Variants in IL1RAPL2 observed in about 807,000 individuals in gnomAD.
IL1RAPL2 encodes X-linked interleukin-1 receptor accessory protein-like 2.
A neutral mutation model predicts 44.1 loss-of-function variants in IL1RAPL2; 3 were observed. The observed-to-expected ratio is 0.07, with a 90% CI of 0.03 to 0.18. The LOEUF is 0.18. Among genes scored for constraint, IL1RAPL2 ranks in the 10% least tolerant of loss-of-function variants. The probability of loss-of-function intolerance (pLI) is 1.00; values close to 1 mark genes in which losing one functional copy is unlikely to be tolerated. For synonymous variants in IL1RAPL2, 181 were observed against 178.8 expected (o/e 1.01, Z -0.10); for missense variants, 391 against 496.4 (o/e 0.79, Z 2.02).
At chrX:105,239,265 G>T (rs935771521) in intron 4 of IL1RAPL2, among the ~76,000 whole-genome samples, 4 of 111,958 alleles carry the variant, frequency 3.6e-5, no homozygotes, top group Admixed American at 1.9e-4. Flanking sequence ...TTTCACAAGA[G>T]AATTTAAAAT....
chrX:105,147,395 C>T (rs2033189197), intron 2 of IL1RAPL2, among the ~76,000 whole-genome samples: 1 of 110,711 alleles, frequency 9.0e-6, no homozygotes, highest in Non-Finnish European at 1.9e-5. Flanking sequence ...AAGAGGGGTC[C>T]CTGCTTGTCT....
At chrX:105,100,620 C>T (rs954030433) in intron 2 of IL1RAPL2, among the ~76,000 whole-genome samples, 1 of 111,787 alleles carries the variant, frequency 8.9e-6, no homozygotes, top group Non-Finnish European at 1.9e-5. Flanking sequence ...TAATGATGAT[C>T]AAGAACAGGC....
intron 2 of IL1RAPL2, among the ~76,000 whole-genome samples, chrX:104,761,398 C>A (rs566846788): frequency 9.0e-6 from 1 of 110,743 alleles, no homozygotes; most frequent in African/African-American, 3.3e-5. Context: ...GATTTAATTA[C>A]CTCCCCCCAG....
chrX:104,672,952 T>C (rs1390398247), intron 2 of IL1RAPL2, among the ~76,000 whole-genome samples: 4 of 111,868 alleles, frequency 3.6e-5, no homozygotes, highest in Non-Finnish European at 7.5e-5. Flanking sequence ...TTGTTTGTTT[T>C]TTTCTTGTAA....
At chrX:105,328,398 A>C (rs1052415995) in intron 5 of IL1RAPL2, among the ~76,000 whole-genome samples, 1 of 111,994 alleles carries the variant, frequency 8.9e-6, no homozygotes, top group African/African-American at 3.2e-5. Flanking sequence ...CTTAATTCTC[A>C]TGGCTCTAAC....
chrX:104,949,301 T>A (rs1017124829), intron 2 of IL1RAPL2, among the ~76,000 whole-genome samples: 11 of 111,612 alleles, frequency 9.9e-5, no homozygotes, highest in African/African-American at 2.9e-4. Flanking sequence ...TCTTTGATTC[T>A]TCTCTCTCTT....
At chrX:104,673,350 A>G (rs1174249912) in intron 2 of IL1RAPL2, among the ~76,000 whole-genome samples, 2 of 111,518 alleles carry the variant, frequency 1.8e-5, no homozygotes. Context: ...TTTATTAAAT[A>G]GGGAATCCTT....
chrX:104,925,324 C>T (rs1924750301), intron 2 of IL1RAPL2, among the ~76,000 whole-genome samples: 1 of 108,781 alleles, frequency 9.2e-6, no homozygotes, highest in African/African-American at 3.3e-5. Flanking sequence ...CCAAAAAAAT[C>T]GAGGAGGGAA....
chrX:104,627,933 A>G lies in IL1RAPL2; in HGVS notation c.-19-30962A>G, dbSNP rs1929548816. Among the ~76,000 whole-genome samples, 3 of 111,931 alleles carry G rather than the reference A, an allele frequency of 2.7e-5. No homozygotes were observed. In the Admixed American group the frequency reaches 2.9e-4, roughly 11 times the overall value. ...TATCATTGAAAAGAAAAAAAAATCTATCAACTGATCTATTATGATGTTAAA... is the reference window on the plus strand; with the variant it reads ...TATCATTGAAAAGAAAAAAAAATCTGTCAACTGATCTATTATGATGTTAAA... On this transcript the variant is annotated intron_variant, in intron 1 of 10. Transcript: ENST00000372582.
At chrX:104,835,682 C>CT (rs1921724687) in intron 2 of IL1RAPL2, among the ~76,000 whole-genome samples, 1 of 112,164 alleles carries the variant, frequency 8.9e-6, no homozygotes, top group Non-Finnish European at 1.9e-5. Context: ...GCCACTAATA[C>CT]TGGCACCACT....
At chrX:105,717,796 G>A (rs2038269813) in intron 7 of IL1RAPL2, among the ~76,000 whole-genome samples, 1 of 112,173 alleles carries the variant, frequency 8.9e-6, no homozygotes. Flanking sequence ...GTCTTTGAAG[G>A]TGACTCCTCA....
chrX:105,152,589 CTT>C (rs1157090988), intron 2 of IL1RAPL2, among the ~76,000 whole-genome samples: 2 of 112,120 alleles, frequency 1.8e-5, no homozygotes, highest in African/African-American at 3.2e-5. Context: ...AGTCAGAAAA[CTT>C]TCAAATTCCT....
intron 2 of IL1RAPL2, among the ~76,000 whole-genome samples, chrX:105,075,423 G>A (rs1316231771): frequency 9.0e-6 from 1 of 111,338 alleles, no homozygotes; most frequent in East Asian, 2.8e-4. Context: ...GCTTTTTGAT[G>A]TGCTGCTGGA....
intron 7 of IL1RAPL2, among the ~76,000 whole-genome samples, chrX:105,725,630 A>C (rs2038343905): frequency 9.0e-6 from 1 of 111,700 alleles, no homozygotes; most frequent in Non-Finnish European, 1.9e-5. Flanking sequence ...GGAGCTGTGA[A>C]TATGTTGTTT....
At chrX:104,601,302 G>A (rs970315399) in intron 1 of IL1RAPL2, among the ~76,000 whole-genome samples, 2 of 99,717 alleles carry the variant, frequency 2.0e-5, no homozygotes, top group African/African-American at 7.5e-5. Context: ...ACAGGCCCCC[G>A]TGTGTGATGT....
intron 2 of IL1RAPL2, among the ~76,000 whole-genome samples, chrX:105,183,400 A>G (rs2033554011): frequency 9.0e-6 from 1 of 111,692 alleles, no homozygotes; most frequent in Admixed American, 9.4e-5. Flanking sequence ...CACAGCAGCC[A>G]TGCTACTTTG....
rs142550584 is a variant in IL1RAPL2 at position 105,419,630 on chromosome X, T to C, written c.698-64683T>C. ...GATGTAAAGAAAAAACTTCTATATT[T>C]ATTACAAACCAAGGGAGCAATGCAA... On this transcript the variant is annotated intron_variant, in intron 5 of 10. Transcript: ENST00000372582. 4.9e-3 allele frequency among the ~76,000 whole-genome samples: 544 copies of C among 112,137 alleles called. 5 individuals carry two copies. Among genetic ancestry groups the C allele is most frequent in the African/African-American group, 0.016 (505 of 30,930 alleles).
At chrX:105,313,063 C>CA (rs1179716467) in intron 5 of IL1RAPL2, among the ~76,000 whole-genome samples, 3 of 111,717 alleles carry the variant, frequency 2.7e-5, no homozygotes, top group African/African-American at 9.7e-5. Context: ...CATTCAAATA[C>CA]ACTGACATTG....
chrX:105,089,996 C>T (rs1160167757), intron 2 of IL1RAPL2, among the ~76,000 whole-genome samples: 1 of 111,346 alleles, frequency 9.0e-6, no homozygotes, highest in Non-Finnish European at 1.9e-5. Flanking sequence ...GCTGTATTGT[C>T]TTATTTTTAA....
Sources: gnomAD v4.1 joint callset for allele counts (sites outside exome capture counted in the v4.1 genomes callset) on GRCh38, gnomAD v4.1.1 for gene constraint, MANE v1.5 for transcripts, NCBI Gene and HGNC (gene_info 2026-07-23, HGNC 2026-07-21) for gene names.